Variants in CNTNAP2 observed in about 807,000 individuals in gnomAD.
CNTNAP2 encodes the protein contactin associated protein 2.
In CNTNAP2, 98 loss-of-function variants were observed where a neutral mutation model predicts 155.2. The observed-to-expected ratio is 0.63, with a 90% CI of 0.54 to 0.75. The LOEUF is 0.75. CNTNAP2 is among the 30% of genes least tolerant of loss of function. CNTNAP2 has a pLI of 0.00. For missense variants in CNTNAP2, 1,727 were observed against 1,688.1 expected (o/e 1.02, Z -0.40); for synonymous variants, 651 against 631.2 (o/e 1.03, Z -0.47).
chr7:146,840,780 T>C (rs1169802148), intron 3 of CNTNAP2, among the ~76,000 whole-genome samples: 1 of 152,202 alleles, frequency 6.6e-6, no homozygotes, highest in Non-Finnish European at 1.5e-5. Context: ...AATTATTTTT[T>C]CTAAGTAACA....
chr7:147,831,767 A>T (rs1025580792), intron 13 of CNTNAP2: 1 of 152,242 alleles, frequency 6.6e-6, no homozygotes, highest in Non-Finnish European at 1.5e-5. Context: ...TAAATGTTAC[A>T]TTGCGCTTGC....
chr7:146,279,007 G>T (rs187345665), intron 1 of CNTNAP2, among the ~76,000 whole-genome samples: 1 of 152,038 alleles, frequency 6.6e-6, no homozygotes, highest in African/African-American at 2.4e-5. Context: ...TCTTTTCTTC[G>T]AAGGTTCTTA....
chr7:146,692,863 A>G (rs1235375440), intron 1 of CNTNAP2, among the ~76,000 whole-genome samples: 1 of 152,170 alleles, frequency 6.6e-6, no homozygotes, highest in Non-Finnish European at 1.5e-5. Context: ...TGATGCTACA[A>G]TAAAGCAAAC....
chr7:148,299,993 C>T (rs958870959), intron 21 of CNTNAP2, among the ~76,000 whole-genome samples: 3 of 152,276 alleles, frequency 2.0e-5, no homozygotes, highest in Admixed American at 1.3e-4. Flanking sequence ...AGTTAATGCT[C>T]ATAGTAAGAG....
At chr7:147,360,822 C>A (rs1175592015) in intron 9 of CNTNAP2, among the ~76,000 whole-genome samples, 1 of 152,034 alleles carries the variant, frequency 6.6e-6, no homozygotes, top group Non-Finnish European at 1.5e-5. Flanking sequence ...ATGAAATCAG[C>A]AGAGAGAAGA....
chr7:147,115,922 T>C (rs1300245167), intron 5 of CNTNAP2, among the ~76,000 whole-genome samples: 1 of 152,338 alleles, frequency 6.6e-6, no homozygotes, highest in East Asian at 1.9e-4. Flanking sequence ...ATTTTTTGCA[T>C]TGATTGCTTC....
At chr7:148,081,331 G>A (rs888132551) in intron 15 of CNTNAP2, among the ~76,000 whole-genome samples, 5 of 152,250 alleles carry the variant, frequency 3.3e-5, no homozygotes, top group African/African-American at 1.2e-4. Flanking sequence ...TCTTGGGTGT[G>A]TATGTGAGAG....
chr7:146,790,632 C>G (rs1031031415), intron 2 of CNTNAP2, among the ~76,000 whole-genome samples: 3 of 150,108 alleles, frequency 2.0e-5, no homozygotes, highest in South Asian at 4.2e-4. Flanking sequence ...TGCAGTGGCG[C>G]GATCTCAGCT....
intron 1 of CNTNAP2, among the ~76,000 whole-genome samples, chr7:146,463,538 A>G (rs1044692721): frequency 2.0e-5 from 3 of 152,162 alleles, no homozygotes; most frequent in African/African-American, 7.2e-5. Flanking sequence ...ATCACAGTAT[A>G]CAAGTAATAT....
At chr7:147,451,365 T>C (rs1241234143) in intron 10 of CNTNAP2, among the ~76,000 whole-genome samples, 2 of 152,300 alleles carry the variant, frequency 1.3e-5, no homozygotes, top group Non-Finnish European at 2.9e-5. Flanking sequence ...TAATATCTCG[T>C]TGGCATAGAA....
intron 5 of CNTNAP2, 123 bp downstream of exon 5, chr7:147,108,473 A>G (rs1800812131): frequency 1.2e-6 from 1 of 854,520 alleles, no homozygotes; most frequent in Admixed American, 2.9e-5. Context: ...TTCAATTCAT[A>G]CTTAATCTAT....
chr7:147,529,178 A>G (rs1799385466), intron 11 of CNTNAP2, among the ~76,000 whole-genome samples: 3 of 152,202 alleles, frequency 2.0e-5, no homozygotes, highest in Admixed American at 2.0e-4. Context: ...GACACTGGAC[A>G]ATTTGGATTG....
chr7:147,979,760 T>G (rs2116867630), intron 15 of CNTNAP2, among the ~76,000 whole-genome samples: 1 of 152,132 alleles, frequency 6.6e-6, no homozygotes, highest in Non-Finnish European at 1.5e-5. Flanking sequence ...GTAGCTGGGA[T>G]TACAAGCACA....
intron 1 of CNTNAP2, among the ~76,000 whole-genome samples, chr7:146,604,029 T>C (rs1179651878): frequency 2.7e-4 from 30 of 109,826 alleles, no homozygotes; most frequent in African/African-American, 8.8e-4. Flanking sequence ...ACTTCATGTC[T>C]AAAACACCAA....
chr7:146,878,506 G>A (rs1367760938), intron 3 of CNTNAP2, among the ~76,000 whole-genome samples: 1 of 151,676 alleles, frequency 6.6e-6, no homozygotes, highest in Non-Finnish European at 1.5e-5. Context: ...GATGACCTAA[G>A]GTAGGAGTTA....
chr7:147,583,531 T>TATATATATATAAAA (rs1280154794), intron 12 of CNTNAP2, among the ~76,000 whole-genome samples: 2 of 140,608 alleles, frequency 1.4e-5, no homozygotes, highest in African/African-American at 5.3e-5. Context: ...TATATATATA[T>TATATATATATAAAA]AATGTCAAAC....
intron 2 of CNTNAP2, among the ~76,000 whole-genome samples, chr7:146,791,184 C>T (rs1280798785): frequency 2.6e-5 from 4 of 151,838 alleles, no homozygotes; most frequent in African/African-American, 4.8e-5. Flanking sequence ...GGTGACAACA[C>T]GTGGTGTTTG....
At chr7:147,666,657 A>G (rs949762163) in intron 13 of CNTNAP2, among the ~76,000 whole-genome samples, 55 of 152,170 alleles carry the variant, frequency 3.6e-4, no homozygotes, top group African/African-American at 1.3e-3. Flanking sequence ...TCTTGACTGT[A>G]TCATGTTCTT....
intron 11 of CNTNAP2, among the ~76,000 whole-genome samples, chr7:147,502,071 C>A (rs1263800132): frequency 6.6e-6 from 1 of 152,010 alleles, no homozygotes; most frequent in East Asian, 1.9e-4. Flanking sequence ...AAAGTGAAGA[C>A]GACACAAATA....
Sources: allele counts gnomAD v4.1 joint callset (sites outside exome capture counted in the v4.1 genomes callset), GRCh38; gene constraint gnomAD v4.1.1; transcripts MANE v1.5; gene names NCBI Gene and HGNC (gene_info 2026-07-23, HGNC 2026-07-21).